Variants in ZNF385B observed in about 807,000 individuals in gnomAD.
The protein encoded by ZNF385B is zinc finger protein 385B.
ZNF385B carries 23 observed loss-of-function variants against 39.2 expected under a neutral mutation model. The observed-to-expected ratio is 0.59, with a 90% CI of 0.42 to 0.83. The LOEUF (loss-of-function observed/expected upper bound fraction) is 0.83, where lower values mean the gene tolerates loss of function less well. Ranked by LOEUF, ZNF385B falls within the 40% of genes least tolerant of loss-of-function variation. ZNF385B has a pLI of 0.00. For missense variants in ZNF385B, 552 were observed against 598.9 expected (o/e 0.92, Z 0.82); for synonymous variants, 205 against 222.6 (o/e 0.92, Z 0.70).
chr2:179,818,562 T>C (rs1707210198), intron 1 of ZNF385B, among the ~76,000 whole-genome samples: 2 of 152,178 alleles, frequency 1.3e-5, no homozygotes, highest in African/African-American at 4.8e-5. Flanking sequence ...CTCGCTAGAG[T>C]GTTAATATTA....
intron 3 of ZNF385B, among the ~76,000 whole-genome samples, chr2:179,633,138 G>A (rs1413101486): frequency 1.3e-5 from 2 of 152,170 alleles, no homozygotes; most frequent in African/African-American, 4.8e-5. Context: ...AGAGGAGCTG[G>A]TACCATTCCT....
At chr2:179,473,594 T>C (rs552285209) in intron 6 of ZNF385B, among the ~76,000 whole-genome samples, 2 of 152,306 alleles carry the variant, frequency 1.3e-5, no homozygotes, top group South Asian at 2.1e-4. Flanking sequence ...TACATAGGTA[T>C]ACCTGTGCCA....
intron 4 of ZNF385B, among the ~76,000 whole-genome samples, chr2:179,524,495 T>C (rs1436638964): frequency 7.8e-6 from 1 of 127,472 alleles, no homozygotes; most frequent in Non-Finnish European, 1.5e-5. Context: ...GAGCTTGCAG[T>C]GAGCCGAGAT....
chr2:179,742,368 T>C (rs1300064687), intron 3 of ZNF385B, among the ~76,000 whole-genome samples: 5 of 152,082 alleles, frequency 3.3e-5, no homozygotes, highest in Non-Finnish European at 5.9e-5. Flanking sequence ...CTTTTTTATT[T>C]AGAAAGTAGG....
intron 3 of ZNF385B, among the ~76,000 whole-genome samples, chr2:179,606,598 T>C (rs1290220705): frequency 6.6e-6 from 1 of 152,174 alleles, no homozygotes; most frequent in African/African-American, 2.4e-5. Flanking sequence ...TGCACATAAT[T>C]TAAAATTTAA....
chr2:179,676,494 G>A (rs1171251121), intron 3 of ZNF385B, among the ~76,000 whole-genome samples: 1 of 152,332 alleles, frequency 6.6e-6, no homozygotes, highest in East Asian at 1.9e-4. Flanking sequence ...AAAGTGCTGG[G>A]ATTACAGGCG....
At chr2:179,496,086 C>T (rs1405099461) in intron 5 of ZNF385B, among the ~76,000 whole-genome samples, 1 of 151,984 alleles carries the variant, frequency 6.6e-6, no homozygotes, top group Non-Finnish European at 1.5e-5. Context: ...TTCAAGACAA[C>T]ACAGAGAAGG....
intron 3 of ZNF385B, among the ~76,000 whole-genome samples, chr2:179,558,443 T>G (rs943673439): frequency 3.9e-5 from 6 of 152,156 alleles, no homozygotes; most frequent in African/African-American, 1.4e-4. Context: ...ATTTCCCCCA[T>G]CCCAAGCCTG....
chr2:179,713,634 G>A (rs1440807109), intron 3 of ZNF385B, among the ~76,000 whole-genome samples: 3 of 152,120 alleles, frequency 2.0e-5, no homozygotes, highest in Non-Finnish European at 4.4e-5. Context: ...CTCCATCAGG[G>A]CAAGGTCCAA....
At chr2:179,730,615 T>A (rs186325466) in intron 3 of ZNF385B, among the ~76,000 whole-genome samples, 9 of 152,316 alleles carry the variant, frequency 5.9e-5, no homozygotes, top group African/African-American at 1.7e-4. Flanking sequence ...AACTTCCAAA[T>A]CAATTATTGC....
rs181604591 is a variant in ZNF385B at position 179,557,206 on chromosome 2, T to C, written c.299-12237A>G. Among the ~76,000 whole-genome samples the C allele has an allele frequency of 2.1e-3, 320 of 149,506 alleles. 38 individuals carry two copies. The highest frequency in any genetic ancestry group is 7.7e-3 in the African/African-American group (307 of 39,720). On this transcript the variant is annotated intron_variant, in intron 3 of 9. Coordinates refer to ENST00000410066, the MANE Select transcript of ZNF385B (RefSeq NM_152520.6). ...ACACTGTTTTGAATATTTAAGTCTG[T>C]ACAATCAAAGATGTACAAGAATCAT...
intron 1 of ZNF385B, among the ~76,000 whole-genome samples, chr2:179,773,500 G>T (rs139115881): frequency 1.3e-5 from 2 of 152,276 alleles, no homozygotes; most frequent in African/African-American, 4.8e-5. Flanking sequence ...TCCTCGTGAT[G>T]CTCCCTCGCT....
chr2:179,548,548 G>A lies in ZNF385B; in HGVS notation c.299-3579C>T, dbSNP rs1327197006. On this transcript the variant is annotated intron_variant, in intron 3 of 9. Coordinates refer to ENST00000410066, the MANE Select transcript of ZNF385B (RefSeq NM_152520.6). The stretch of plus-strand genomic sequence containing the variant: ...TGTTATATTATTCCATTTTCATACT[G>A]CTATGAAGAAATACCTGAGACTGTG... Among the ~76,000 whole-genome samples the A allele has an allele frequency of 8.0e-5, 12 of 149,168 alleles. 1 individual carries two copies. Among genetic ancestry groups the A allele is most frequent in the Admixed American group, 8.0e-4 (12 of 15,004 alleles).
intron 3 of ZNF385B, among the ~76,000 whole-genome samples, chr2:179,725,165 A>G (rs1207048217): frequency 1.3e-5 from 2 of 152,104 alleles, no homozygotes; most frequent in African/African-American, 2.4e-5. Flanking sequence ...TTTTCAAAAC[A>G]TAGTAAGAAA....
chr2:179,800,698 C>A (rs1374246290), intron 1 of ZNF385B, among the ~76,000 whole-genome samples: 1 of 151,944 alleles, frequency 6.6e-6, no homozygotes, highest in East Asian at 1.9e-4. Flanking sequence ...AGCTATGAAA[C>A]TTTTCAAACA....
intron 6 of ZNF385B, among the ~76,000 whole-genome samples, chr2:179,468,795 C>A (rs943237715): frequency 6.6e-6 from 1 of 152,060 alleles, no homozygotes; most frequent in Non-Finnish European, 1.5e-5. Context: ...AGGGAAACTT[C>A]CAGGAGACAA....
intron 1 of ZNF385B, among the ~76,000 whole-genome samples, chr2:179,797,716 T>G (rs757776038): frequency 8.5e-5 from 13 of 152,170 alleles, no homozygotes; most frequent in Non-Finnish European, 1.9e-4. Context: ...TTTCTTTTCC[T>G]TCTGAAAACC....
chr2:179,493,706 TAC>T lies in ZNF385B; in HGVS notation c.553-10274_553-10273del, dbSNP rs1491258260. ...ATATACACATATATACATATATGTA[TAC>T]ACATATGCATATACGTATATACATA... On this transcript the variant is annotated intron_variant, in intron 5 of 9. Transcript: ENST00000410066. Among the ~76,000 whole-genome samples, 163 of 135,690 alleles carry T rather than the reference TAC, an allele frequency of 1.2e-3. 11 individuals carry two copies. The highest frequency in any genetic ancestry group is 2.1e-3 in the South Asian group (9 of 4,236). 89.0% of individuals were successfully genotyped at this position (135,690 alleles called of 152,430 possible).
intron 1 of ZNF385B, among the ~76,000 whole-genome samples, chr2:179,837,526 A>G (rs534215579): frequency 2.6e-5 from 4 of 152,234 alleles, no homozygotes; most frequent in Non-Finnish European, 4.4e-5. Context: ...CTAAAATGGA[A>G]TAAGACCAAC....
Sources: allele counts gnomAD v4.1 joint callset (sites outside exome capture counted in the v4.1 genomes callset), GRCh38; gene constraint gnomAD v4.1.1; transcripts MANE v1.5; gene names NCBI Gene and HGNC (gene_info 2026-07-23, HGNC 2026-07-21).